GALNT14: variants seen among roughly 807,000 people sequenced by gnomAD.
GALNT14 encodes UDP-GalNAc:polypeptide N-acetylgalactosaminyltransferase 14.
GALNT14 carries 60 observed loss-of-function variants against 77.5 expected under a neutral mutation model. The observed-to-expected ratio is 0.77, with a 90% CI of 0.63 to 0.96. The LOEUF is 0.96. GALNT14 is among the 40% of genes least tolerant of loss of function. GALNT14 has a pLI of 0.00. For synonymous variants in GALNT14, 280 were observed against 281.7 expected, an observed-to-expected ratio of 0.99 and a Z score of 0.06; for missense variants, 710 against 731.0, an observed-to-expected ratio of 0.97 and a Z score of 0.33.
chr2:31,085,723 T>C (rs1481516997), intron 1 of GALNT14, among the ~76,000 whole-genome samples: 1 of 152,228 alleles, frequency 6.6e-6, no homozygotes, highest in Non-Finnish European at 1.5e-5. Context: ...TTTCTTGAAC[T>C]GATGATCAGT....
intron 1 of GALNT14, among the ~76,000 whole-genome samples, chr2:31,054,608 G>A (rs920528391): frequency 2.0e-5 from 3 of 152,168 alleles, no homozygotes; most frequent in African/African-American, 7.2e-5. Context: ...CACTAACCCT[G>A]TAGTTCCCAA....
chr2:31,054,148 C>A (rs1674069360), intron 1 of GALNT14, among the ~76,000 whole-genome samples: 1 of 152,216 alleles, frequency 6.6e-6, no homozygotes, highest in Non-Finnish European at 1.5e-5. Context: ...AGTAAACAGG[C>A]CACTTCGAGG....
intron 1 of GALNT14, among the ~76,000 whole-genome samples, chr2:31,106,090 A>AAGGGG (rs1299330279): frequency 4.6e-5 from 7 of 152,146 alleles, no homozygotes; most frequent in Non-Finnish European, 7.4e-5. Context: ...AAAAGGAGGC[A>AAGGGG]AGGGGAGGGG....
In GALNT14 at chr2:30,978,055, T is replaced by C. The variant is rs981302971; in HGVS notation, c.300-11753A>G. Among the ~76,000 whole-genome samples, 13 of 152,128 alleles carry C rather than the reference T, an allele frequency of 8.5e-5. No individual in the cohort carries two copies. In the East Asian group the frequency reaches 2.5e-3, roughly 29 times the overall value. ...TTCAGAGCCACCTGCAGTTAAACCT[T>C]CACCAGCATCTCAAGGCCTCCACCC... is the stretch of plus-strand genomic sequence containing the variant. On this transcript the variant is annotated intron_variant, in intron 2 of 14. Coordinates refer to ENST00000349752, the MANE Select transcript of GALNT14 (RefSeq NM_024572.4).
chr2:31,073,989 C>T (rs1033069846), intron 1 of GALNT14, among the ~76,000 whole-genome samples: 4 of 152,154 alleles, frequency 2.6e-5, no homozygotes, highest in Non-Finnish European at 5.9e-5. Context: ...TTATTTGGGC[C>T]CTGAGTTCTC....
At chr2:30,947,955 A>T (rs1466728150) in intron 6 of GALNT14, among the ~76,000 whole-genome samples, 2 of 152,202 alleles carry the variant, frequency 1.3e-5, no homozygotes, top group Admixed American at 6.5e-5. Context: ...TGGTTCATTC[A>T]TAGTCAGCAC....
At chr2:31,061,777 T>A (rs1674606755) in intron 1 of GALNT14, among the ~76,000 whole-genome samples, 1 of 152,294 alleles carries the variant, frequency 6.6e-6, no homozygotes, top group East Asian at 1.9e-4. Context: ...AGTATGTTCT[T>A]TCCATTATTC....
At chr2:31,126,702 T>C (rs1306542787) in intron 1 of GALNT14, 1 of 152,204 alleles carries the variant, frequency 6.6e-6, no homozygotes, top group Non-Finnish European at 1.5e-5. Flanking sequence ...TAACTCTAGG[T>C]AGACTTCATC....
At chr2:30,888,911 C>A in the GALNT14 span, among the ~76,000 whole-genome samples, 2 of 151,870 alleles carry the variant, frequency 1.3e-5, no homozygotes, top group Admixed American at 6.6e-5. Flanking sequence ...TATTGTCCCC[C>A]CCTCCACCCC....
At position 30,945,858 on chromosome 2, in the gene GALNT14, C is replaced by T. The variant is rs200010181; in HGVS notation, c.667G>A (p.Val223Met). Residue 223 changes from valine to methionine, a missense_variant, in exon 7 of 15, where the codon GTG becomes ATG. Physicochemically the swap from Val to Met is conservative, Grantham distance 21. Coordinates refer to ENST00000349752, the MANE Select transcript of GALNT14 (RefSeq NM_024572.4). ...LHRVKEDYTR[V>M]VCPVIDIINL... ...ATGATATCGATCACAGGGCACACCA[C>T]CCGCGTGTAGTCCTGTAAGACAACA... 1.2e-6 allele frequency: 2 copies of T among 1,613,988 alleles called. No homozygotes were observed. Among genetic ancestry groups the T allele is most frequent in the Admixed American group, 1.7e-5 (1 of 60,008 alleles).
chr2:30,959,384 C>T (rs1479058415), intron 3 of GALNT14, among the ~76,000 whole-genome samples: 1 of 152,128 alleles, frequency 6.6e-6, no homozygotes, highest in African/African-American at 2.4e-5. Context: ...TAGCACAGAG[C>T]CTTGGTCCAT....
rs76217558 is a variant in GALNT14 at position 31,033,373 on chromosome 2, G to A, written c.130-40366C>T. On this transcript the variant is annotated intron_variant, in intron 1 of 14. Coordinates refer to ENST00000349752, the MANE Select transcript of GALNT14 (RefSeq NM_024572.4). ...CAGAACCACACAAATAAAGAGCTCT[G>A]AAATCTCAACACAAGACTCTGAAAT... is the stretch of plus-strand genomic sequence containing the variant. Among the ~76,000 whole-genome samples the A allele has an allele frequency of 7.0e-3, 1,062 of 152,224 alleles. 16 individuals carry two copies. Among genetic ancestry groups the A allele is most frequent in the African/African-American group, 0.024 (1,015 of 41,510 alleles).
In GALNT14 at chr2:30,964,446, T is replaced by C. The variant is rs531605841; in HGVS notation, c.398+1758A>G. On this transcript the variant is annotated intron_variant, in intron 3 of 14. Coordinates refer to ENST00000349752, the MANE Select transcript of GALNT14 (RefSeq NM_024572.4). The stretch of plus-strand genomic sequence containing the variant: ...AGAATTGGGCCTCCTCCATCCCTGT[T>C]GTCCCCACACTTAACCAGCCAGGCG... Among the ~76,000 whole-genome samples the C allele has an allele frequency of 2.6e-5, 4 of 152,348 alleles. No homozygotes were observed. The South Asian group carries it at 8.3e-4, about 32-fold the overall frequency.
chr2:30,936,667 T>C lies in GALNT14; in HGVS notation c.932-4473A>G, dbSNP rs77528126. 0.01 allele frequency among the ~76,000 whole-genome samples: 1,540 copies of C among 152,250 alleles called. 40 individuals are homozygous for C. The East Asian group carries it at 0.11, about 11-fold the overall frequency. On this transcript the variant is annotated intron_variant, in intron 9 of 14. Transcript: ENST00000349752. ...ACATCTACTGGGCTAGAAAGCAAGT[T>C]CTGTTATTACTCTTTAATGAATGAA... is the stretch of plus-strand genomic sequence containing the variant.
chr2:31,129,732 G>C, intron 1 of GALNT14: 5 of 673,154 alleles, frequency 7.4e-6, no homozygotes, highest in African/African-American at 2.0e-5. Flanking sequence ...TGGGGGGTGG[G>C]AGGGACATCA....
In GALNT14 at chr2:30,932,094, A is replaced by AG; in HGVS notation, c.1031dup (p.Asp345Ter). On this transcript the variant is annotated frameshift_variant, in exon 10 of 15. Coordinates refer to ENST00000349752, the MANE Select transcript of GALNT14 (RefSeq NM_024572.4). LOFTEE classifies it high-confidence loss of function. ...TTATATACGTGTTGGCATTTCCATC[A>AG]GGGAAAACGTAGGGGTGCTTCTTCC... is the stretch of plus-strand genomic sequence containing the variant. 6.3e-7 allele frequency: 1 copy of AG among 1,574,818 alleles called. No homozygotes were observed. The highest frequency in any genetic ancestry group is 8.6e-7 in the Non-Finnish European group (1 of 1,160,004).
At chr2:31,100,684 G>A (rs1573349391) in intron 1 of GALNT14, among the ~76,000 whole-genome samples, 3 of 139,138 alleles carry the variant, frequency 2.2e-5, no homozygotes, top group East Asian at 2.0e-4. Flanking sequence ...AGCCTGAGAT[G>A]GATGTGTTTT....
chr2:30,985,654 T>C (rs1025032649), intron 2 of GALNT14, among the ~76,000 whole-genome samples: 4 of 152,204 alleles, frequency 2.6e-5, no homozygotes, highest in African/African-American at 9.6e-5. Flanking sequence ...GGAGATGCTC[T>C]GGAGTGAACT....
intron 1 of GALNT14, among the ~76,000 whole-genome samples, chr2:31,043,215 T>C (rs72868777): frequency 0.026 from 3,996 of 152,282 alleles, 183 homozygotes; most frequent in African/African-American, 0.089. Context: ...AGTGCTCAAA[T>C]CTCACTTTCT....
Sources: gnomAD v4.1 joint callset for allele counts (sites outside exome capture counted in the v4.1 genomes callset) on GRCh38, gnomAD v4.1.1 for gene constraint, MANE v1.5 for transcripts, NCBI Gene and HGNC (gene_info 2026-07-23, HGNC 2026-07-21) for gene names.